FBXW8: variants seen among roughly 807,000 people sequenced by gnomAD.
FBXW8 encodes the protein F-box/WD repeat-containing protein 8.
A neutral mutation model predicts 65.3 loss-of-function variants in FBXW8; 57 were observed. The observed-to-expected ratio is 0.87, with a 90% CI of 0.71 to 1.09. FBXW8 has a LOEUF of 1.09. Among genes scored for constraint, FBXW8 ranks in the 50% least tolerant of loss-of-function variants. The probability of loss-of-function intolerance (pLI) is 0.00; values close to 1 mark genes in which losing one functional copy is unlikely to be tolerated. For missense variants in FBXW8, 777 were observed against 814.8 expected (o/e 0.95, Z 0.57); for synonymous variants, 308 against 330.2 (o/e 0.93, Z 0.73).
At chr12:116,997,688 A>G (rs1953408371) in intron 7 of FBXW8, among the ~76,000 whole-genome samples, 1 of 152,202 alleles carries the variant, frequency 6.6e-6, no homozygotes, top group African/African-American at 2.4e-5. Flanking sequence ...AGCACCAGGT[A>G]TATTCAGGCC....
chr12:116,915,849 C>T (rs1323412443), intron 1 of FBXW8, among the ~76,000 whole-genome samples: 1 of 151,894 alleles, frequency 6.6e-6, no homozygotes, highest in African/African-American at 2.4e-5. Flanking sequence ...GATGGGGTTT[C>T]ACTATGTTGG....
At chr12:116,962,265 C>G (rs915186891) in intron 4 of FBXW8, among the ~76,000 whole-genome samples, 1 of 152,194 alleles carries the variant, frequency 6.6e-6, no homozygotes, top group Non-Finnish European at 1.5e-5. Flanking sequence ...GGTTCCTGCC[C>G]TCACTCTCTT....
intron 2 of FBXW8, among the ~76,000 whole-genome samples, chr12:116,931,499 A>G (rs914208795): frequency 2.0e-5 from 3 of 152,264 alleles, no homozygotes; most frequent in South Asian, 2.1e-4. Flanking sequence ...CTTCCAATCC[A>G]TGAACATGGA....
At chr12:116,911,488 A>G in intron 1 of FBXW8, 133 bp downstream of exon 1, 1 of 556,618 alleles carries the variant, frequency 1.8e-6, no homozygotes, top group Non-Finnish European at 2.7e-6. Context: ...ACAAACACCA[A>G]TGTTTGTGCT....
intron 8 of FBXW8, among the ~76,000 whole-genome samples, chr12:117,016,148 A>T (rs1055349775): frequency 2.6e-5 from 4 of 152,152 alleles, no homozygotes; most frequent in African/African-American, 7.2e-5. Context: ...GTAAGTTTGT[A>T]TGCATATTTT....
At chr12:116,952,412 T>A (rs539755988) in intron 4 of FBXW8, among the ~76,000 whole-genome samples, 1 of 152,312 alleles carries the variant, frequency 6.6e-6, no homozygotes, top group South Asian at 2.1e-4. Context: ...CTTAGTAGAT[T>A]TACAAGGTTG....
Position 117,010,451 on chromosome 12 carries a change from G to A in FBXW8, c.1367+1G>A. 9.3e-6 allele frequency: 15 copies of A among 1,614,230 alleles called. No individual in the cohort carries two copies. The highest frequency in any genetic ancestry group is 1.3e-5 in the Non-Finnish European group (15 of 1,180,034). Reference sequence around the variant, plus strand: ...TGGTCAGTGGCAACATGGACGGGAGGTACGTGAGTTGGAAGGGCATTGCCT... The same window carrying A: ...TGGTCAGTGGCAACATGGACGGGAGATACGTGAGTTGGAAGGGCATTGCCT... On this transcript the variant is annotated splice_donor_variant, in intron 8 of 10. Transcript: ENST00000652555. LOFTEE classifies it high-confidence loss of function.
chr12:116,991,894 G>C (rs1054216905), intron 7 of FBXW8, among the ~76,000 whole-genome samples: 1 of 152,150 alleles, frequency 6.6e-6, no homozygotes, highest in Non-Finnish European at 1.5e-5. Context: ...TTCTTACACC[G>C]TATGATGCCC....
At chr12:116,933,440 A>G (rs1881926989) in intron 2 of FBXW8, among the ~76,000 whole-genome samples, 3 of 152,254 alleles carry the variant, frequency 2.0e-5, no homozygotes, top group Admixed American at 2.0e-4. Context: ...TAGTGGAAGA[A>G]GAGATCCCCT....
intron 8 of FBXW8, among the ~76,000 whole-genome samples, chr12:117,013,923 C>A (rs1953886936): frequency 6.6e-6 from 1 of 150,784 alleles, no homozygotes; most frequent in African/African-American, 2.4e-5. Flanking sequence ...TTGGTTTAAA[C>A]CCTGTCTGGG....
intron 1 of FBXW8, among the ~76,000 whole-genome samples, chr12:116,920,287 C>T (rs1015227766): frequency 6.6e-6 from 1 of 152,214 alleles, no homozygotes; most frequent in Non-Finnish European, 1.5e-5. Context: ...GACTTACATG[C>T]GGTCTTTGTT....
intron 1 of FBXW8, among the ~76,000 whole-genome samples, chr12:116,914,633 T>C (rs1332499959): frequency 2.7e-5 from 4 of 150,606 alleles, no homozygotes; most frequent in Admixed American, 2.6e-4. Context: ...CCCAGCACTT[T>C]GGGAGGCTGA....
chr12:116,987,025 G>A (rs1565928199), intron 6 of FBXW8: 1 of 152,240 alleles, frequency 6.6e-6, no homozygotes, highest in Non-Finnish European at 1.5e-5. Context: ...AATGCTCTGA[G>A]TATCCTTGGA....
At chr12:116,926,920 C>A (rs539162059) in intron 1 of FBXW8, among the ~76,000 whole-genome samples, 1 of 152,214 alleles carries the variant, frequency 6.6e-6, no homozygotes, top group East Asian at 1.9e-4. Context: ...TGCTTGGACT[C>A]CCTTAAAAAC....
chr12:116,916,926 G>GAGAA (rs1399350582), intron 1 of FBXW8, among the ~76,000 whole-genome samples: 7 of 151,702 alleles, frequency 4.6e-5, no homozygotes, highest in Non-Finnish European at 1.0e-4. Flanking sequence ...GAGAGAGAGA[G>GAGAA]AAAGAGGTGT....
At chr12:117,026,229 G>A (rs936885266) in intron 9 of FBXW8, among the ~76,000 whole-genome samples, 2 of 151,800 alleles carry the variant, frequency 1.3e-5, no homozygotes, top group South Asian at 4.2e-4. Context: ...CTCCCTCCCC[G>A]GGTCTTTCTC....
In FBXW8 at chr12:116,956,595, C is replaced by T. The variant is rs560925266; in HGVS notation, c.677+6889C>T. On this transcript the variant is annotated intron_variant, in intron 4 of 10. Coordinates refer to ENST00000652555, the MANE Select transcript of FBXW8 (RefSeq NM_153348.3). The stretch of plus-strand genomic sequence containing the variant: ...TATATGTAAAAATTGGTGTCTGAAT[C>T]TTTGGTTGGTTCAGTTTGCCTGTTG... Among the ~76,000 whole-genome samples, 6 of 152,278 alleles carry T rather than the reference C, an allele frequency of 3.9e-5. No homozygotes were observed. The East Asian group carries it at 1.2e-3, about 29-fold the overall frequency.
chr12:116,974,058 C>A (rs1307017206), intron 5 of FBXW8, among the ~76,000 whole-genome samples: 2 of 152,196 alleles, frequency 1.3e-5, no homozygotes, highest in African/African-American at 4.8e-5. Context: ...CACCAGCTCA[C>A]CAGCTGGAAA....
chr12:116,955,036 T>TGGGG (rs11375815), intron 4 of FBXW8, among the ~76,000 whole-genome samples: 1 of 129,536 alleles, frequency 7.7e-6, no homozygotes, highest in Non-Finnish European at 1.7e-5. Context: ...CCTCTTGAAA[T>TGGGG]GGGGGGGGGG....
Sources: allele counts gnomAD v4.1 joint callset (sites outside exome capture counted in the v4.1 genomes callset), GRCh38; gene constraint gnomAD v4.1.1; transcripts MANE v1.5; gene names NCBI Gene and HGNC (gene_info 2026-07-23, HGNC 2026-07-21).